The following KIRREL3 variants were observed in gnomAD, a reference collection of about 807,000 sequenced individuals.
The protein encoded by KIRREL3 is kin of IRRE-like protein 3.
In KIRREL3, 36 loss-of-function variants were observed where a neutral mutation model predicts 89.7. That is an observed-to-expected ratio of 0.40 (90% CI 0.31 to 0.53). The LOEUF is 0.53. KIRREL3 is among the 20% of genes least tolerant of loss of function. The pLI, the probability that KIRREL3 is intolerant of heterozygous loss-of-function variation, is 0.49. For missense variants in KIRREL3, 864 were observed against 1,056.6 expected (o/e 0.82, Z 2.53); for synonymous variants, 445 against 441.4 (o/e 1.01, Z -0.10).
rs371880735 is a variant in KIRREL3, at chr11:126,519,462, G to T, written c.433+1853C>A. Among the ~76,000 whole-genome samples, 2 of 152,196 alleles carry T rather than the reference G, an allele frequency of 1.3e-5. No homozygotes were observed. Among genetic ancestry groups the T allele is most frequent in the South Asian group, 2.1e-4 (1 of 4,822 alleles). ...TCGAAATAATCTGGACTTTTAATACGTTGGACTTTTTTACGTAACGTAGAG... is the reference window on the plus strand; with the variant it reads ...TCGAAATAATCTGGACTTTTAATACTTTGGACTTTTTTACGTAACGTAGAG... On this transcript the variant is annotated intron_variant, in intron 4 of 16. Coordinates refer to ENST00000525144, the MANE Select transcript of KIRREL3 (RefSeq NM_032531.4). The surrounding 1 kb of genome is among the most constrained non-coding windows in gnomAD (Gnocchi z 4.3).
At position 126,643,719 on chromosome 11, in the gene KIRREL3, G is replaced by A. The variant is rs2134940509; in HGVS notation, c.56-80807C>T. Among the ~76,000 whole-genome samples, 1 of 152,268 alleles carries A rather than the reference G, an allele frequency of 6.6e-6. No individual in the cohort carries two copies. Among genetic ancestry groups the A allele is most frequent in the South Asian group, 2.1e-4 (1 of 4,816 alleles). On this transcript the variant is annotated intron_variant, in intron 1 of 16. Coordinates refer to ENST00000525144, the MANE Select transcript of KIRREL3 (RefSeq NM_032531.4). The surrounding 1 kb of genome is among the most constrained non-coding windows in gnomAD (Gnocchi z 4.5). The stretch of plus-strand genomic sequence containing the variant: ...AATTGGAGATAGGGAGAGGAGTTTG[G>A]AGGCAGCAGTAATCTCAGTGAGATT...
chr11:126,853,648 C>T lies in KIRREL3; in HGVS notation c.55+146807G>A, dbSNP rs192547546. Among the ~76,000 whole-genome samples, 13 of 152,222 alleles carry T rather than the reference C, an allele frequency of 8.5e-5. No homozygotes were observed. In the East Asian group the frequency reaches 2.5e-3, roughly 29 times the overall value. On this transcript the variant is annotated intron_variant, in intron 1 of 16. Transcript: ENST00000525144. ...AGACAGCTCTTCATATTCACCCATG[C>T]TCTCTCCAAGTTTTTGACACCCTGC...
chr11:126,644,543 C>G (rs940690457), intron 1 of KIRREL3, among the ~76,000 whole-genome samples: 1 of 151,904 alleles, frequency 6.6e-6, no homozygotes, highest in African/African-American at 2.4e-5. Flanking sequence ...CTGAAATCAC[C>G]AAGGATGAAG....
rs1944530224 is a variant in KIRREL3 at position 126,642,999 on chromosome 11, C to T, written c.56-80087G>A. Among the ~76,000 whole-genome samples the T allele has an allele frequency of 6.6e-6, 1 of 152,062 alleles. No homozygotes were observed. The highest frequency in any genetic ancestry group is 2.1e-4 in the South Asian group (1 of 4,812). On this transcript the variant is annotated intron_variant, in intron 1 of 16. Coordinates refer to ENST00000525144, the MANE Select transcript of KIRREL3 (RefSeq NM_032531.4). This position sits in a 1 kb window ranked among gnomAD's most constrained non-coding sequence, Gnocchi z 4.9. ...CCTTCTTCCCTCCCATCCATCCATCCATCCATCCATCCATCCATCTATCCA... is the reference window on the plus strand; with the variant it reads ...CCTTCTTCCCTCCCATCCATCCATCTATCCATCCATCCATCCATCTATCCA...
chr11:126,433,812 A>G (rs1955221013), intron 13 of KIRREL3, among the ~76,000 whole-genome samples: 1 of 152,252 alleles, frequency 6.6e-6, no homozygotes, highest in Admixed American at 6.5e-5. Flanking sequence ...GGAAAAACAC[A>G]GGGCTTGTCT....
rs553287756 is a variant in KIRREL3, at chr11:126,431,775, G to A, written c.1589-249C>T. Among the ~76,000 whole-genome samples, 2 of 152,208 alleles carry A rather than the reference G, an allele frequency of 1.3e-5. No individual in the cohort carries two copies. The highest frequency in any genetic ancestry group is 6.5e-5 in the Admixed American group (1 of 15,294). ...GAGGGCAGGGGAACTGAGGTAAAGGGCAGAGGAAGGAGAGCGAGGCAGGCA... is the reference window on the plus strand; with the variant it reads ...GAGGGCAGGGGAACTGAGGTAAAGGACAGAGGAAGGAGAGCGAGGCAGGCA... On this transcript the variant is annotated intron_variant, in intron 13 of 16. Transcript: ENST00000525144. This position sits in a 1 kb window ranked among gnomAD's most constrained non-coding sequence, Gnocchi z 7.1.
intron 1 of KIRREL3, among the ~76,000 whole-genome samples, chr11:126,593,194 G>A (rs1591791527): frequency 6.6e-6 from 1 of 152,342 alleles, no homozygotes; most frequent in South Asian, 2.1e-4. Context: ...CGTGGGCCAG[G>A]AGGCTCTTCA....
chr11:126,520,775 G>A lies in KIRREL3; in HGVS notation c.433+540C>T, dbSNP rs991298295. On this transcript the variant is annotated intron_variant, in intron 4 of 16. Transcript: ENST00000525144. The surrounding 1 kb of genome is among the most constrained non-coding windows in gnomAD (Gnocchi z 4.9). ...GGACCTGAAATGAATTTTCCTAGGA[G>A]GGACCTGTCAGCCAGGATTCCCAGG... 6.6e-6 allele frequency among the ~76,000 whole-genome samples: 1 copy of A among 152,160 alleles called. No homozygotes were observed. Among genetic ancestry groups the A allele is most frequent in the Admixed American group, 6.5e-5 (1 of 15,276 alleles).
rs985903270 is a variant in KIRREL3, at chr11:126,553,283, C to T, written c.133+9552G>A. On this transcript the variant is annotated intron_variant, in intron 2 of 16. Coordinates refer to ENST00000525144, the MANE Select transcript of KIRREL3 (RefSeq NM_032531.4). This position sits in a 1 kb window ranked among gnomAD's most constrained non-coding sequence, Gnocchi z 4.7. ...CTGTTCCATTTTTTTTTAAATGACA[C>T]TCTGAGCACTTCTATCTTCTACTGA... Among the ~76,000 whole-genome samples, 7 of 151,948 alleles carry T rather than the reference C, an allele frequency of 4.6e-5. No homozygotes were observed. The highest frequency in any genetic ancestry group is 2.1e-4 in the South Asian group (1 of 4,828).
intron 1 of KIRREL3, chr11:126,944,327 T>G (rs749532555): frequency 6.6e-6 from 1 of 152,252 alleles, no homozygotes; most frequent in Admixed American, 6.5e-5. Flanking sequence ...CTGTCTTTTG[T>G]TACAGGAGCC....
rs928915148 is a variant in KIRREL3, at chr11:126,684,652, TC to T, written c.56-121741del. Among the ~76,000 whole-genome samples, 3 of 152,252 alleles carry T rather than the reference TC, an allele frequency of 2.0e-5. No individual in the cohort carries two copies. The highest frequency in any genetic ancestry group is 7.2e-5 in the African/African-American group (3 of 41,462). ...TTAAATTCATTTCTTTGGGCCAGTC[TC>T]CTTTGTCTGCACTTGCTGAGAAGGC... is the stretch of plus-strand genomic sequence containing the variant. On this transcript the variant is annotated intron_variant, in intron 1 of 16. Transcript: ENST00000525144. The surrounding 1 kb of genome is among the most constrained non-coding windows in gnomAD (Gnocchi z 4.2).
Position 126,999,598 on chromosome 11 carries a change from C to T in KIRREL3, c.55+857G>A, listed in dbSNP as rs1313049924. Among the ~76,000 whole-genome samples, 4 of 152,222 alleles carry T rather than the reference C, an allele frequency of 2.6e-5. No individual in the cohort carries two copies. The highest frequency in any genetic ancestry group is 2.1e-4 in the South Asian group (1 of 4,830). On this transcript the variant is annotated intron_variant, in intron 1 of 16. Coordinates refer to ENST00000525144, the MANE Select transcript of KIRREL3 (RefSeq NM_032531.4). This position sits in a 1 kb window ranked among gnomAD's most constrained non-coding sequence, Gnocchi z 5.7. Reference sequence around the variant, plus strand: ...GAGCGGGAAGGAGCCCATGTACTTGCCCCTCCAAACTCAATTCCACAGGTG... The same window carrying T: ...GAGCGGGAAGGAGCCCATGTACTTGTCCCTCCAAACTCAATTCCACAGGTG...
chr11:126,487,184 G>A (rs1957387263), intron 4 of KIRREL3, among the ~76,000 whole-genome samples: 1 of 152,206 alleles, frequency 6.6e-6, no homozygotes, highest in Non-Finnish European at 1.5e-5. Flanking sequence ...CAGGATAAAA[G>A]CATGCATTTG....
chr11:126,765,014 T>C (rs1949777837), intron 1 of KIRREL3, among the ~76,000 whole-genome samples: 2 of 152,208 alleles, frequency 1.3e-5, no homozygotes, highest in South Asian at 4.1e-4. Context: ...GTAAAAGGTA[T>C]CAGCTTAGAG....
rs932698105 is a variant in KIRREL3 at position 126,484,929 on chromosome 11, C to A, written c.434-11463G>T. ...CTCCCAGGTTCAAGCGATTCTCCTG[C>A]CTCAGCCTTTTAAATAGCTGGGATT... On this transcript the variant is annotated intron_variant, in intron 4 of 16. Coordinates refer to ENST00000525144, the MANE Select transcript of KIRREL3 (RefSeq NM_032531.4). This position sits in a 1 kb window ranked among gnomAD's most constrained non-coding sequence, Gnocchi z 5.2. Among the ~76,000 whole-genome samples the A allele has an allele frequency of 2.6e-5, 4 of 152,022 alleles. No individual in the cohort carries two copies. The South Asian group carries it at 8.3e-4, about 31-fold the overall frequency.
In KIRREL3 at chr11:126,993,560, A is replaced by G. The variant is rs1591440302; in HGVS notation, c.55+6895T>C. On this transcript the variant is annotated intron_variant, in intron 1 of 16. Coordinates refer to ENST00000525144, the MANE Select transcript of KIRREL3 (RefSeq NM_032531.4). This position sits in a 1 kb window ranked among gnomAD's most constrained non-coding sequence, Gnocchi z 6.1. ...ACACTCTGACAGCTCTGAACCCATC[A>G]TATTGTAACCTTAATCGAAGTGTCT... Among the ~76,000 whole-genome samples, 2 of 152,152 alleles carry G rather than the reference A, an allele frequency of 1.3e-5. No homozygotes were observed. Among genetic ancestry groups the G allele is most frequent in the East Asian group, 3.8e-4 (2 of 5,202 alleles).
At chr11:126,693,045 C>A (rs1946941628) in intron 1 of KIRREL3, among the ~76,000 whole-genome samples, 1 of 152,234 alleles carries the variant, frequency 6.6e-6, no homozygotes, top group South Asian at 2.1e-4. Flanking sequence ...GGAAAACAGA[C>A]ATGTGAGGCC....
rs1944524968 is a variant in KIRREL3 at position 126,642,904 on chromosome 11, G to A, written c.56-79992C>T. Among the ~76,000 whole-genome samples, 1 of 152,134 alleles carries A rather than the reference G, an allele frequency of 6.6e-6. No individual in the cohort carries two copies. Among genetic ancestry groups the A allele is most frequent in the Non-Finnish European group, 1.5e-5 (1 of 68,014 alleles). ...GGCTTGAAGTGAGAAATTCAAAGGT[G>A]AACCAAGCATGGTTCCAGAGTACAA... is the stretch of plus-strand genomic sequence containing the variant. On this transcript the variant is annotated intron_variant, in intron 1 of 16. Transcript: ENST00000525144. This position sits in a 1 kb window ranked among gnomAD's most constrained non-coding sequence, Gnocchi z 4.9.
rs181854137 is a variant in KIRREL3 at position 126,684,152 on chromosome 11, C to G, written c.56-121240G>C. ...GCCCAGAGCCCTGGAACTGGACTCT[C>G]CCTGTGCAGGGCTGATGGGAAGGAG... is the stretch of plus-strand genomic sequence containing the variant. On this transcript the variant is annotated intron_variant, in intron 1 of 16. Coordinates refer to ENST00000525144, the MANE Select transcript of KIRREL3 (RefSeq NM_032531.4). This position sits in a 1 kb window ranked among gnomAD's most constrained non-coding sequence, Gnocchi z 4.2. Among the ~76,000 whole-genome samples, 227 of 152,300 alleles carry G rather than the reference C, an allele frequency of 1.5e-3. 1 individual carries two copies. The highest frequency in any genetic ancestry group is 5.2e-3 in the African/African-American group (217 of 41,574).
Sources: gnomAD v4.1 joint callset for allele counts (sites outside exome capture counted in the v4.1 genomes callset) on GRCh38, gnomAD v4.1.1 for gene constraint, Gnocchi (gnomAD v3.1) non-coding constraint, MANE v1.5 for transcripts, NCBI Gene and HGNC (gene_info 2026-07-23, HGNC 2026-07-21) for gene names.